AKAP9: variants seen among roughly 807,000 people sequenced by gnomAD.
AKAP9 encodes the protein A-kinase anchoring protein 9, also known as A-kinase anchor protein 9.
Under a neutral mutation model 488.5 loss-of-function variants are expected in AKAP9, and 311 were observed. The ratio of observed to expected loss-of-function variants is 0.64; its 90% confidence interval spans 0.58 to 0.70. AKAP9 has a LOEUF of 0.70. Ranked by LOEUF, AKAP9 falls within the 30% of genes least tolerant of loss-of-function variation. AKAP9 has a pLI of 0.00. For missense variants in AKAP9, 4,215 were observed against 4,374.5 expected, an observed-to-expected ratio of 0.96 and a Z score of 1.03; for synonymous variants, 1,462 against 1,483.5, an observed-to-expected ratio of 0.99 and a Z score of 0.33.
Position 92,062,370 on chromosome 7 carries a change from G to T in AKAP9, c.5861G>T (p.Cys1954Phe), listed in dbSNP as rs1810027627. Residue 1954 changes from cysteine (C) to phenylalanine (F), a missense_variant, in exon 24 of 50, where the codon TGT (cysteine) becomes TTT (phenylalanine). Cys to Phe is a radical substitution (Grantham distance 205). Transcript: ENST00000356239. ...GATCGTCTTGAGCAGGAGTTGTTAT[G>T]TGCAAGTAACAGGTTGCAAGAATTG... The part of the protein sequence containing the change: ...IIDRLEQELL[C>F]ASNRLQELEA... The T allele has an allele frequency of 6.2e-7, 1 of 1,613,920 alleles. No homozygotes were observed. Among genetic ancestry groups the T allele is most frequent in the African/African-American group, 1.3e-5 (1 of 75,032 alleles).
chr7:91,949,523 A>G (rs1158859819), intron 1 of AKAP9, among the ~76,000 whole-genome samples: 1 of 152,172 alleles, frequency 6.6e-6, no homozygotes, highest in Non-Finnish European at 1.5e-5. Context: ...TTCAAAAATG[A>G]AAAGACCTGT....
At chr7:92,012,701 C>A in intron 9 of AKAP9, 59 bp downstream of exon 9, 1 of 1,396,764 alleles carries the variant, frequency 7.2e-7, no homozygotes, top group South Asian at 1.2e-5. Flanking sequence ...ATAGAGCCCA[C>A]CATTCTATAA....
chr7:92,051,833 T>C (rs1477585121), intron 21 of AKAP9, among the ~76,000 whole-genome samples: 1 of 152,184 alleles, frequency 6.6e-6, no homozygotes, highest in Non-Finnish European at 1.5e-5. Context: ...AATAAAAGAA[T>C]AGGTAATGCC....
intron 5 of AKAP9, among the ~76,000 whole-genome samples, chr7:91,994,333 G>A (rs1411363697): frequency 6.6e-5 from 10 of 152,156 alleles, no homozygotes; most frequent in South Asian, 2.1e-4. Context: ...GTCTAGGGTG[G>A]TGTTGCCTGG....
In AKAP9 at chr7:92,095,019, T is replaced by TC; in HGVS notation, c.9579-4_9579-3insC. 1 of 1,613,740 alleles carries TC rather than the reference T, an allele frequency of 6.2e-7. No homozygotes were observed. The highest frequency in any genetic ancestry group is 8.5e-7 in the Non-Finnish European group (1 of 1,179,670). On this transcript the variant is annotated splice_region_variant and splice_polypyrimidine_tract_variant and intron_variant, in intron 39 of 49. Transcript: ENST00000356239. ...ATGGAAATTCATTTGTCTTTCTGAC[T>TC]TAGGTTGGAAGTTAAAGATAAGACA...
chr7:92,089,508 G>T lies in AKAP9; in HGVS notation c.9337G>T (p.Glu3113Ter). ...GAAAATTACTCTGAAAAGAGAACAA[G>T]AGAGTGAGAAACCAAGCCAAGGTAT... ...GRKITLKREQ[E>*]SEKPSQELLE... Residue 3113 changes from glutamate (E) to a stop codon, truncating the protein, a stop_gained, in exon 38 of 50, where the codon GAG becomes TAG. Coordinates refer to ENST00000356239, the MANE Select transcript of AKAP9 (RefSeq NM_005751.5). LOFTEE classifies it high-confidence loss of function. 1 of 1,613,484 alleles carries T rather than the reference G, an allele frequency of 6.2e-7. No individual in the cohort carries two copies. Among genetic ancestry groups the T allele is most frequent in the Non-Finnish European group, 8.5e-7 (1 of 1,179,650 alleles).
intron 8 of AKAP9, among the ~76,000 whole-genome samples, chr7:92,009,606 AAAAG>A (rs1233024029): frequency 2.0e-5 from 3 of 152,230 alleles, no homozygotes; most frequent in Admixed American, 6.5e-5. Flanking sequence ...TAGGGGGAAG[AAAAG>A]AAGGAAAGAA....
chr7:91,977,582 CA>C (rs1795867991), intron 2 of AKAP9, among the ~76,000 whole-genome samples: 1 of 152,102 alleles, frequency 6.6e-6, no homozygotes, highest in South Asian at 2.1e-4. Flanking sequence ...AAGACAAAAC[CA>C]AAAATAACTT....
At chr7:92,104,342 CA>C (rs1252750004) in intron 46 of AKAP9, among the ~76,000 whole-genome samples, 1 of 151,888 alleles carries the variant, frequency 6.6e-6, no homozygotes, top group African/African-American at 2.4e-5. Flanking sequence ...AGGCGCCCAC[CA>C]CCACACCCGG....
intron 1 of AKAP9, among the ~76,000 whole-genome samples, chr7:91,956,536 G>C (rs1229600495): frequency 6.6e-6 from 1 of 151,922 alleles, no homozygotes; most frequent in Non-Finnish European, 1.5e-5. Flanking sequence ...TCTAACTTTG[G>C]CATCTGTATC....
intron 24 of AKAP9, 114 bp downstream of exon 24, chr7:92,062,600 A>C (rs1810071891): frequency 7.2e-6 from 6 of 836,858 alleles, no homozygotes; most frequent in Non-Finnish European, 9.4e-6. Flanking sequence ...TTTTATAGAG[A>C]GATTTAAAAA....
intron 14 of AKAP9, among the ~76,000 whole-genome samples, chr7:92,025,516 G>A (rs543622484): frequency 1.4e-4 from 22 of 152,274 alleles, no homozygotes; most frequent in African/African-American, 4.8e-4. Flanking sequence ...ATTTTGAATA[G>A]AGTATACTGT....
At chr7:91,944,189 GC>G (rs1791135301) in intron 1 of AKAP9, among the ~76,000 whole-genome samples, 1 of 151,748 alleles carries the variant, frequency 6.6e-6, no homozygotes, top group Non-Finnish European at 1.5e-5. Context: ...CACAAATAAT[GC>G]CAGGTTAAAA....
intron 18 of AKAP9, 142 bp from the exon 19 acceptor site, chr7:92,041,904 T>C (rs1318319183): frequency 8.4e-6 from 7 of 837,822 alleles, no homozygotes; most frequent in Non-Finnish European, 1.3e-5. Flanking sequence ...TTGTATATAC[T>C]TTTAACCCCT....
At chr7:92,103,463 A>C (rs2130916175) in intron 46 of AKAP9, among the ~76,000 whole-genome samples, 1 of 146,764 alleles carries the variant, frequency 6.8e-6, no homozygotes, top group East Asian at 2.1e-4. Context: ...TGGGAGGCTG[A>C]GGCCGGCAGA....
intron 45 of AKAP9, 85 bp downstream of exon 45, chr7:92,101,141 C>A: frequency 1.4e-6 from 2 of 1,387,068 alleles, no homozygotes; most frequent in Non-Finnish European, 2.0e-6. Context: ...AATAAACAGT[C>A]TAAAGAAATT....
chr7:92,087,235 G>A (rs1814706599), intron 37 of AKAP9, among the ~76,000 whole-genome samples: 1 of 152,132 alleles, frequency 6.6e-6, no homozygotes, highest in African/African-American at 2.4e-5. Context: ...AGAATAATGA[G>A]GATTCCCTTT....
At chr7:91,950,873 CTT>C (rs1792158210) in intron 1 of AKAP9, among the ~76,000 whole-genome samples, 2 of 152,202 alleles carry the variant, frequency 1.3e-5, no homozygotes, top group South Asian at 2.1e-4. Flanking sequence ...TACAGAAACT[CTT>C]TTCTATTCAT....
chr7:92,050,885 C>T (rs1807865540), intron 21 of AKAP9, among the ~76,000 whole-genome samples: 2 of 152,088 alleles, frequency 1.3e-5, no homozygotes, highest in Non-Finnish European at 2.9e-5. Flanking sequence ...TCTCTGTCAC[C>T]TAAGAATCAT....
Sources: gnomAD v4.1 joint callset for allele counts (sites outside exome capture counted in the v4.1 genomes callset) on GRCh38, gnomAD v4.1.1 for gene constraint, MANE v1.5 for transcripts, NCBI Gene and HGNC (gene_info 2026-07-23, HGNC 2026-07-21) for gene names.